Variants in GPC6 observed in about 807,000 individuals in gnomAD.
GPC6 encodes glypican 6.
GPC6 carries 14 observed loss-of-function variants against 55.2 expected under a neutral mutation model. That is an observed-to-expected ratio of 0.25 (90% CI 0.17 to 0.40). The LOEUF is 0.40. Among genes scored for constraint, GPC6 ranks in the 10% least tolerant of loss-of-function variants. The pLI is 1.00. For missense variants in GPC6, 641 were observed against 708.5 expected (o/e 0.90, Z 1.08); for synonymous variants, 278 against 259.6 (o/e 1.07, Z -0.68).
intron 4 of GPC6, among the ~76,000 whole-genome samples, chr13:94,274,350 T>G (rs769899610): frequency 3.9e-5 from 6 of 152,250 alleles, no homozygotes; most frequent in Non-Finnish European, 8.8e-5. Flanking sequence ...TTCATTAAAT[T>G]CTCTTTTATT....
rs573546393 is a variant in GPC6 at position 94,290,446 on chromosome 13, A to G, written c.1008+3967A>G. Reference sequence around the variant, plus strand: ...TAGAAAGGTAAAAAAAAAAAAAAAAAAAAGAAAAAGAAAAAAAGAAATTGG... The same window carrying G: ...TAGAAAGGTAAAAAAAAAAAAAAAAGAAAGAAAAAGAAAAAAAGAAATTGG... On this transcript the variant is annotated intron_variant, in intron 5 of 8. Coordinates refer to ENST00000377047, the MANE Select transcript of GPC6 (RefSeq NM_005708.5). Among the ~76,000 whole-genome samples the G allele has an allele frequency of 1.1e-3, 162 of 150,228 alleles. 1 individual carries two copies. The East Asian group carries it at 0.019, about 18-fold the overall frequency.
intron 4 of GPC6, among the ~76,000 whole-genome samples, chr13:94,147,605 A>T (rs1357195847): frequency 1.3e-5 from 2 of 152,168 alleles, no homozygotes; most frequent in Non-Finnish European, 2.9e-5. Flanking sequence ...CTTCTGGTTT[A>T]GTGTAAAAAG....
intron 4 of GPC6, among the ~76,000 whole-genome samples, chr13:94,070,545 T>C (rs540371505): frequency 6.6e-6 from 1 of 152,290 alleles, no homozygotes; most frequent in African/African-American, 2.4e-5. Context: ...CTATGCTACG[T>C]GAGGTACCAT....
At chr13:94,091,908 T>TTGTG (rs61061006) in intron 4 of GPC6, among the ~76,000 whole-genome samples, 39,939 of 148,206 alleles carry the variant, frequency 0.27, 5,452 homozygotes, top group South Asian at 0.37. Flanking sequence ...GTGTGTGTGT[T>TTGTG]TGTGTGTGTG....
intron 3 of GPC6, among the ~76,000 whole-genome samples, chr13:93,860,869 T>G (rs1888786598): frequency 6.6e-6 from 1 of 151,650 alleles, no homozygotes; most frequent in African/African-American, 2.4e-5. Context: ...TTGCTCTCAC[T>G]ATAGCAAAAT....
At chr13:93,800,796 T>A (rs563078324) in intron 2 of GPC6, among the ~76,000 whole-genome samples, 1 of 152,216 alleles carries the variant, frequency 6.6e-6, no homozygotes, top group Non-Finnish European at 1.5e-5. Context: ...AGTGTGAACA[T>A]CAACCTAGAA....
chr13:93,452,352 T>C (rs1878261489), intron 1 of GPC6, among the ~76,000 whole-genome samples: 2 of 152,242 alleles, frequency 1.3e-5, no homozygotes, highest in South Asian at 4.1e-4. Context: ...TAAAATATTT[T>C]AAAGTATATT....
At chr13:93,327,097 CA>C (rs1879683458) in intron 1 of GPC6, among the ~76,000 whole-genome samples, 1 of 152,076 alleles carries the variant, frequency 6.6e-6, no homozygotes, top group African/African-American at 2.4e-5. Context: ...TTGCAGAGAA[CA>C]GGGAGGTAGG....
At chr13:93,261,482 C>T (rs77347680) in intron 1 of GPC6, among the ~76,000 whole-genome samples, 4,729 of 152,206 alleles carry the variant, frequency 0.031, 240 homozygotes, top group African/African-American at 0.11. Context: ...GCTGGGTTTA[C>T]ATGCAGCATA....
intron 7 of GPC6, among the ~76,000 whole-genome samples, chr13:94,393,772 C>G (rs185545833): frequency 2.0e-4 from 31 of 152,252 alleles, no homozygotes; most frequent in African/African-American, 7.2e-4. Flanking sequence ...TTTTAAATTT[C>G]ATTAAATCTT....
Position 94,260,737 on chromosome 13 carries a change from T to C in GPC6, c.878-25612T>C, listed in dbSNP as rs534184030. The stretch of plus-strand genomic sequence containing the variant: ...GGTGACTACTGATCTTTTGAAGGAG[T>C]TGCCAGCAATCTAAATGATTGACTG... On this transcript the variant is annotated intron_variant, in intron 4 of 8. Transcript: ENST00000377047. Among the ~76,000 whole-genome samples the C allele has an allele frequency of 3.9e-5, 6 of 151,932 alleles. No homozygotes were observed. In the South Asian group the frequency reaches 1.3e-3, roughly 32 times the overall value.
intron 1 of GPC6, among the ~76,000 whole-genome samples, chr13:93,294,384 T>C (rs1362589635): frequency 6.6e-6 from 1 of 152,208 alleles, no homozygotes; most frequent in Non-Finnish European, 1.5e-5. Flanking sequence ...TATTTAGTAT[T>C]TAGTCATTAC....
rs146521675 is a variant in GPC6, at chr13:93,722,720, C to T, written c.320-107434C>T. ...TTCTTTCATGGTTCTTATAGCTGCA[C>T]GTCTGAGATCAAGATGTTGACAGGG... On this transcript the variant is annotated intron_variant, in intron 2 of 8. Transcript: ENST00000377047. Among the ~76,000 whole-genome samples, 430 of 151,998 alleles carry T rather than the reference C, an allele frequency of 2.8e-3. 2 individuals are homozygous for T. The highest frequency in any genetic ancestry group is 0.02 in the Middle Eastern group (6 of 294).
chr13:94,186,303 A>G (rs1323846161), intron 4 of GPC6, among the ~76,000 whole-genome samples: 1 of 152,168 alleles, frequency 6.6e-6, no homozygotes, highest in African/African-American at 2.4e-5. Flanking sequence ...AGCAGTAACT[A>G]TAATTTCTGC....
intron 2 of GPC6, among the ~76,000 whole-genome samples, chr13:93,772,629 A>AT (rs1369661822): frequency 7.2e-5 from 11 of 152,204 alleles, no homozygotes; most frequent in African/African-American, 2.6e-4. Flanking sequence ...AAGTCCTATA[A>AT]TTTTTTACGT....
rs77523615 is a variant in GPC6, at chr13:94,169,953, G to T, written c.878-116396G>T. On this transcript the variant is annotated intron_variant, in intron 4 of 8. Coordinates refer to ENST00000377047, the MANE Select transcript of GPC6 (RefSeq NM_005708.5). ...GTTGGATGAGAAGTGAAGACTGGAA[G>T]TTGGGCAGGCGGGACCTCTGGGGAT... Among the ~76,000 whole-genome samples, 13 of 152,306 alleles carry T rather than the reference G, an allele frequency of 8.5e-5. No homozygotes were observed. The East Asian group carries it at 2.3e-3, about 27-fold the overall frequency.
In GPC6 at chr13:93,853,725, A is replaced by G. The variant is rs527539652; in HGVS notation, c.711+23180A>G. Among the ~76,000 whole-genome samples, 11 of 151,824 alleles carry G rather than the reference A, an allele frequency of 7.2e-5. No homozygotes were observed. In the South Asian group the frequency reaches 2.3e-3, roughly 31 times the overall value. On this transcript the variant is annotated intron_variant, in intron 3 of 8. Coordinates refer to ENST00000377047, the MANE Select transcript of GPC6 (RefSeq NM_005708.5). ...ATCAAATTCAAACTGCCTTCCCCAG[A>G]TAATGATACACGTTAATGTGTTTTC... is the stretch of plus-strand genomic sequence containing the variant.
intron 4 of GPC6, among the ~76,000 whole-genome samples, chr13:94,203,403 T>C (rs1299523905): frequency 1.3e-5 from 2 of 152,200 alleles, no homozygotes; most frequent in Non-Finnish European, 2.9e-5. Flanking sequence ...ATATTGGTTC[T>C]GGAAAGCAAT....
chr13:94,113,478 G>A (rs1593944676), intron 4 of GPC6, among the ~76,000 whole-genome samples: 2 of 152,042 alleles, frequency 1.3e-5, no homozygotes, highest in Admixed American at 1.3e-4. Context: ...TTTGATGAAT[G>A]TCCTTAAATA....
Sources: allele counts gnomAD v4.1 joint callset (sites outside exome capture counted in the v4.1 genomes callset), GRCh38; gene constraint gnomAD v4.1.1; transcripts MANE v1.5; gene names NCBI Gene and HGNC (gene_info 2026-07-23, HGNC 2026-07-21).